INTS9: variants seen among roughly 807,000 people sequenced by gnomAD.
INTS9 encodes integrator complex subunit 9.
A neutral mutation model predicts 79.7 loss-of-function variants in INTS9; 55 were observed. The observed-to-expected ratio is 0.69, with a 90% CI of 0.56 to 0.86. INTS9 has a LOEUF of 0.86. INTS9 is among the 40% of genes least tolerant of loss of function. INTS9 has a pLI of 0.00. For missense variants in INTS9, 721 were observed against 831.5 expected (o/e 0.87, Z 1.64); for synonymous variants, 319 against 325.2 (o/e 0.98, Z 0.20).
intron 6 of INTS9, among the ~76,000 whole-genome samples, chr8:28,814,240 T>C (rs1805331324): frequency 6.7e-6 from 1 of 149,526 alleles, no homozygotes; most frequent in African/African-American, 2.5e-5. Flanking sequence ...ATGCATGCCA[T>C]TAGCCTCTCC....
intron 6 of INTS9, among the ~76,000 whole-genome samples, chr8:28,816,050 GA>G (rs556846517): frequency 2.0e-5 from 3 of 150,630 alleles, no homozygotes; most frequent in African/African-American, 4.9e-5. Flanking sequence ...TTTAATATTA[GA>G]AAAAAATATG....
rs146132641 is a variant in INTS9 at position 28,768,260 on chromosome 8, C to T, written c.1863G>A (p.Glu621=). 3.5e-5 allele frequency: 57 copies of T among 1,614,006 alleles called. No homozygotes were observed. The African/African-American group carries it at 4.5e-4, about 13-fold the overall frequency. Residue 621 remains glutamate, a synonymous_variant, in exon 17 of 17, where the codon GAG becomes GAA. Transcript: ENST00000521022. ...TAKGHIVLLQ[E]AETLIQIEED... is the part of the protein sequence containing the mutation. Reference sequence around the variant, plus strand: ...CTTCAATCTGGATGAGCGTCTCAGCCTCCTGGAGCAGGACGATATGGCCCT... The same window carrying T: ...CTTCAATCTGGATGAGCGTCTCAGCTTCCTGGAGCAGGACGATATGGCCCT...
intron 1 of INTS9, 89 bp downstream of exon 1, chr8:28,889,785 G>A (rs1810516136): frequency 5.5e-6 from 8 of 1,448,074 alleles, no homozygotes; most frequent in Non-Finnish European, 7.7e-6. Flanking sequence ...CCCCTCCCGT[G>A]CGACGATTCC....
At position 28,812,494 on chromosome 8, in the gene INTS9, A is replaced by T; in HGVS notation, c.610-33T>A. On this transcript the variant is annotated intron_variant, in intron 7 of 16. Coordinates refer to ENST00000521022, the MANE Select transcript of INTS9 (RefSeq NM_018250.4). ...AGAACCACAGTAAGAATGTGCAATG[A>T]GCTTACAGTGACAGTCACATGAGGT... 1.9e-6 allele frequency: 3 copies of T among 1,598,428 alleles called. No individual in the cohort carries two copies. In the Admixed American group the frequency reaches 5.3e-5, roughly 28 times the overall value.
chr8:28,774,323 A>AT (rs1446193773), intron 14 of INTS9, among the ~76,000 whole-genome samples: 3 of 152,234 alleles, frequency 2.0e-5, no homozygotes, highest in African/African-American at 7.2e-5. Context: ...TTAAGTGAAT[A>AT]TTTTTAAAAT....
At chr8:28,782,689 G>A (rs1803352733) in intron 11 of INTS9, among the ~76,000 whole-genome samples, 1 of 152,232 alleles carries the variant, frequency 6.6e-6, no homozygotes, top group East Asian at 1.9e-4. Context: ...ACAAAGACAA[G>A]AGGATTGCTT....
chr8:28,772,776 C>T (rs1410271837), intron 14 of INTS9, among the ~76,000 whole-genome samples: 2 of 152,006 alleles, frequency 1.3e-5, no homozygotes, highest in Admixed American at 6.5e-5. Context: ...CACTGCACTT[C>T]AGCCTGGGCA....
intron 1 of INTS9, among the ~76,000 whole-genome samples, chr8:28,885,452 CA>C (rs1810132398): frequency 1.3e-5 from 2 of 152,260 alleles, no homozygotes; most frequent in South Asian, 2.1e-4. Context: ...TTCCATGTCA[CA>C]GGGGTCAAAT....
At chr8:28,805,956 C>G (rs141412112) in intron 8 of INTS9, among the ~76,000 whole-genome samples, 1 of 152,102 alleles carries the variant, frequency 6.6e-6, no homozygotes, top group East Asian at 1.9e-4. Context: ...CGGCCAAGCA[C>G]GGTGGCTCAT....
At chr8:28,874,045 C>T (rs1373182705) in intron 1 of INTS9, among the ~76,000 whole-genome samples, 1 of 152,162 alleles carries the variant, frequency 6.6e-6, no homozygotes, top group East Asian at 1.9e-4. Flanking sequence ...ATCTTTTCTC[C>T]TATGTAGGTA....
intron 12 of INTS9, among the ~76,000 whole-genome samples, chr8:28,780,051 AGG>A (rs1563245415): frequency 7.2e-6 from 1 of 138,894 alleles, no homozygotes; most frequent in East Asian, 2.1e-4. Context: ...TTTCAAATCA[AGG>A]TTTTTTTTTT....
At chr8:28,847,557 G>A (rs773260833) in intron 3 of INTS9, among the ~76,000 whole-genome samples, 2 of 151,750 alleles carry the variant, frequency 1.3e-5, no homozygotes, top group South Asian at 2.1e-4. Context: ...ATGTTTTTCC[G>A]TGCAGAACAT....
intron 1 of INTS9, among the ~76,000 whole-genome samples, chr8:28,885,082 G>C (rs913964703): frequency 7.9e-5 from 12 of 152,168 alleles, no homozygotes; most frequent in African/African-American, 2.9e-4. Flanking sequence ...CTTCCACTGG[G>C]AGCAGTCCAT....
chr8:28,805,267 A>C (rs1426777000), intron 8 of INTS9, among the ~76,000 whole-genome samples: 1 of 152,236 alleles, frequency 6.6e-6, no homozygotes, highest in African/African-American at 2.4e-5. Context: ...ATACAAGTGG[A>C]AAATGAAGTC....
At position 28,883,321 on chromosome 8, in the gene INTS9, C is replaced by T. The variant is rs781087865; in HGVS notation, c.9+6553G>A. Among the ~76,000 whole-genome samples, 88 of 152,162 alleles carry T rather than the reference C, an allele frequency of 5.8e-4. 1 individual carries two copies. The highest frequency in any genetic ancestry group is 1.5e-4 in the Non-Finnish European group (10 of 68,040). On this transcript the variant is annotated intron_variant, in intron 1 of 16. Transcript: ENST00000521022. ...ATTTTTATCTGAAGAAATGTGTTCC[C>T]CTTTCTGGTCCATCTTCCCACGTCT...
Position 28,780,916 on chromosome 8 carries a change from C to A in INTS9, c.1177G>T (p.Val393Leu), listed in dbSNP as rs747700535. The A allele has an allele frequency of 3.2e-5, 52 of 1,613,864 alleles. No homozygotes were observed. The Admixed American group carries it at 6.7e-4, about 21-fold the overall frequency. ...FSNDFRQPCVVFTGHPSLRFG... is the reference protein window; with the variant it reads ...FSNDFRQPCVLFTGHPSLRFG... ...CGGAGGGAAGGGTGCCCGGTGAACA[C>A]CACACAGGGCTGTCTAAAGTCGTTG... The change falls in exon 12 of 17, where the codon GTG becomes TTG. Residue 393 changes from valine to leucine, a missense_variant. Coordinates refer to ENST00000521022, the MANE Select transcript of INTS9 (RefSeq NM_018250.4).
chr8:28,794,433 T>C (rs1804084702), intron 9 of INTS9, among the ~76,000 whole-genome samples: 1 of 152,236 alleles, frequency 6.6e-6, no homozygotes, highest in Non-Finnish European at 1.5e-5. Context: ...TTAACATTTG[T>C]CTGCAGGAAA....
Position 28,804,467 on chromosome 8 carries a change from G to A in INTS9, c.745-7812C>T, listed in dbSNP as rs149917379. On this transcript the variant is annotated intron_variant, in intron 8 of 16. Transcript: ENST00000521022. ...GATTGTGGAAGGTTCAATACCCCCC[G>A]CCCCCCTGCATGAGGAAGGAAATGC... Among the ~76,000 whole-genome samples, 396 of 149,124 alleles carry A rather than the reference G, an allele frequency of 2.7e-3. 2 individuals are homozygous for A. The highest frequency in any genetic ancestry group is 9.5e-3 in the African/African-American group (381 of 40,236).
chr8:28,777,738 CAGCT>C, intron 13 of INTS9, 87 bp downstream of exon 13: 1 of 1,413,446 alleles, frequency 7.1e-7, no homozygotes, highest in Middle Eastern at 2.4e-4. Flanking sequence ...GAATCAAACA[CAGCT>C]AGATCTCTCT....
Sources: allele counts gnomAD v4.1 joint callset (sites outside exome capture counted in the v4.1 genomes callset), GRCh38; gene constraint gnomAD v4.1.1; transcripts MANE v1.5; gene names NCBI Gene and HGNC (gene_info 2026-07-23, HGNC 2026-07-21).